The following DAP3 variants were observed in gnomAD, a reference collection of about 807,000 sequenced individuals.
DAP3 encodes the protein death associated protein 3, also known as small ribosomal subunit protein mS29.
A neutral mutation model predicts 51.9 loss-of-function variants in DAP3; 28 were observed. The observed-to-expected ratio is 0.54, with a 90% CI of 0.40 to 0.74. The LOEUF is 0.74. DAP3 is among the 30% of genes least tolerant of loss of function. The probability of loss-of-function intolerance (pLI) is 0.00; values close to 1 mark genes in which losing one functional copy is unlikely to be tolerated. For missense variants in DAP3, 458 were observed against 483.5 expected, an observed-to-expected ratio of 0.95 and a Z score of 0.49; for synonymous variants, 170 against 170.3, an observed-to-expected ratio of 1.00 and a Z score of 0.01.
At chr1:155,705,513 G>A (rs1279208799) in intron 1 of DAP3, among the ~76,000 whole-genome samples, 2 of 149,726 alleles carry the variant, frequency 1.3e-5, no homozygotes, top group African/African-American at 2.5e-5. Context: ...TGAGGCAGGC[G>A]GATCACTTGA....
chr1:155,721,127 G>A (rs1226459574), intron 3 of DAP3, among the ~76,000 whole-genome samples: 4 of 151,426 alleles, frequency 2.6e-5, no homozygotes, highest in Non-Finnish European at 5.9e-5. Context: ...CCTGAGGTCA[G>A]GAGTTTAAGA....
chr1:155,715,528 A>AG (rs542762621), intron 2 of DAP3, among the ~76,000 whole-genome samples: 27 of 150,376 alleles, frequency 1.8e-4, no homozygotes, highest in Middle Eastern at 6.8e-3. Flanking sequence ...TCTTAAAAAA[A>AG]AGAGAGAGAG....
At chr1:155,688,490 G>A (rs1457222457), upstream of DAP3, 1 of 1,549,226 alleles carries the variant, frequency 6.5e-7, no homozygotes, top group Non-Finnish European at 8.7e-7. Flanking sequence ...GCCCGCACGC[G>A]TACGAGTGTC....
In DAP3 at chr1:155,729,056, G is replaced by A. The variant is rs766903055; in HGVS notation, c.618G>A (p.Glu206=). ...CTTGCTTTTAGATAAAAGTTCAAGA[G>A]AAGTATGTCTGGAATAAGAGAGAAA... The part of the protein sequence containing the change: ...ERFLNQIKVQ[E]KYVWNKREST... The change falls in exon 8 of 13, where the codon GAG becomes GAA. Residue 206 remains glutamate (E), a synonymous_variant. Coordinates refer to ENST00000368336, the MANE Select transcript of DAP3 (RefSeq NM_004632.4). The A allele has an allele frequency of 1.1e-5, 18 of 1,613,648 alleles. No individual in the cohort carries two copies. The South Asian group carries it at 2.0e-4, about 18-fold the overall frequency.
intron 11 of DAP3, among the ~76,000 whole-genome samples, chr1:155,735,664 T>C (rs1659703466): frequency 6.6e-6 from 1 of 151,994 alleles, no homozygotes; most frequent in Non-Finnish European, 1.5e-5. Flanking sequence ...TTTCCCATTA[T>C]TTTTATTTTT....
chr1:155,700,570 G>A (rs956693729), intron 1 of DAP3, among the ~76,000 whole-genome samples: 2 of 150,306 alleles, frequency 1.3e-5, no homozygotes, highest in Non-Finnish European at 3.0e-5. Context: ...AGGGAGGTGG[G>A]GGGTCAGCCC....
intron 2 of DAP3, among the ~76,000 whole-genome samples, chr1:155,716,250 A>G (rs1657318888): frequency 1.3e-5 from 2 of 152,214 alleles, no homozygotes; most frequent in Non-Finnish European, 2.9e-5. Context: ...AAATAATAAC[A>G]GGGATCCTTT....
At chr1:155,705,277 C>T (rs1028110738) in intron 1 of DAP3, among the ~76,000 whole-genome samples, 2 of 151,612 alleles carry the variant, frequency 1.3e-5, no homozygotes, top group African/African-American at 4.9e-5. Flanking sequence ...CAGAGCAAGA[C>T]CCTGTCTCAA....
At chr1:155,688,352 G>C, upstream of DAP3, 7 of 1,548,374 alleles carry the variant, frequency 4.5e-6, no homozygotes, top group Non-Finnish European at 6.1e-6. Context: ...GAGTGGCCGC[G>C]GCAGCTCCTC....
rs368403908 is a variant in DAP3, at chr1:155,725,642, C to T, written c.379+152C>T. 369 of 763,868 alleles carry T rather than the reference C, an allele frequency of 4.8e-4. No homozygotes were observed. In the East Asian group the frequency reaches 5.3e-3, roughly 11 times the overall value. 47.3% of individuals were successfully genotyped at this position (763,868 alleles called of 1,614,324 possible). On this transcript the variant is annotated intron_variant, in intron 5 of 12. Transcript: ENST00000368336. ...GTTTGGGAAGCCGAGGCAGGCGTAT[C>T]GCCTGAAGTCAGGAGTTCAAGACCT...
At chr1:155,695,584 A>G (rs541994727) in intron 1 of DAP3, among the ~76,000 whole-genome samples, 13 of 152,324 alleles carry the variant, frequency 8.5e-5, no homozygotes, top group Admixed American at 3.3e-4. Flanking sequence ...AGAAAGGAAA[A>G]TCCCGAGCAC....
intron 2 of DAP3, among the ~76,000 whole-genome samples, chr1:155,710,837 T>C (rs1656605412): frequency 6.6e-6 from 1 of 152,044 alleles, no homozygotes. Flanking sequence ...CATTTTATGG[T>C]CCATGTTCTC....
chr1:155,688,662 C>CA, upstream of DAP3: 3 of 1,533,482 alleles, frequency 2.0e-6, no homozygotes, highest in South Asian at 3.6e-5. Context: ...CGCGTACCTT[C>CA]AGCGGCGCGA....
At chr1:155,691,496 T>C (rs1653816265) in intron 1 of DAP3, among the ~76,000 whole-genome samples, 1 of 142,196 alleles carries the variant, frequency 7.0e-6, no homozygotes, top group Non-Finnish European at 1.5e-5. Context: ...CATCAATTGA[T>C]GGACATGTGA....
intron 6 of DAP3, chr1:155,727,406 G>A (rs1002670950): frequency 2.5e-6 from 1 of 401,692 alleles, no homozygotes; most frequent in East Asian, 5.4e-5. Context: ...GGAGTTCAAG[G>A]TTACAGTGAA....
At chr1:155,733,041 G>A (rs1659406003) in intron 11 of DAP3, among the ~76,000 whole-genome samples, 1 of 152,168 alleles carries the variant, frequency 6.6e-6, no homozygotes, top group Non-Finnish European at 1.5e-5. Flanking sequence ...AGAAAAAGTT[G>A]TCATGTCTCT....
intron 2 of DAP3, among the ~76,000 whole-genome samples, chr1:155,711,423 G>A (rs1003554160): frequency 1.2e-4 from 18 of 152,070 alleles, no homozygotes; most frequent in African/African-American, 4.1e-4. Context: ...AACCCAAGAG[G>A]TAGAGGTTGC....
chr1:155,736,320 A>G (rs1659787505), intron 11 of DAP3, among the ~76,000 whole-genome samples: 1 of 152,188 alleles, frequency 6.6e-6, no homozygotes, highest in Non-Finnish European at 1.5e-5. Context: ...CTTTGTTTCA[A>G]AAGCCAAAAC....
intron 1 of DAP3, among the ~76,000 whole-genome samples, chr1:155,703,145 A>T (rs1379500680): frequency 6.6e-6 from 1 of 152,202 alleles, no homozygotes; most frequent in South Asian, 2.1e-4. Context: ...TTGCATTTCC[A>T]AATGAATTTT....
Sources: gnomAD v4.1 joint callset for allele counts (sites outside exome capture counted in the v4.1 genomes callset) on GRCh38, gnomAD v4.1.1 for gene constraint, MANE v1.5 for transcripts, NCBI Gene and HGNC (gene_info 2026-07-23, HGNC 2026-07-21) for gene names.